Variants in MST1R observed in about 807,000 individuals in gnomAD.
The protein encoded by MST1R is macrophage stimulating 1 receptor.
MST1R carries 99 observed loss-of-function variants against 117.8 expected under a neutral mutation model. The ratio of observed to expected loss-of-function variants is 0.84; its 90% CI spans 0.71 to 0.99. The LOEUF (loss-of-function observed/expected upper bound fraction) is 0.99, where lower values mean the gene tolerates loss of function less well. Ranked by LOEUF, MST1R falls within the 50% of genes least tolerant of loss-of-function variation. MST1R has a pLI of 0.00. For synonymous variants in MST1R, 734 were observed against 765.3 expected, an observed-to-expected ratio of 0.96 and a Z score of 0.68; for missense variants, 1,683 against 1,840.2, an observed-to-expected ratio of 0.91 and a Z score of 1.56.
In MST1R at chr3:49,891,192, C is replaced by T. The variant is rs773626624; in HGVS notation, c.3644+5G>A. On this transcript the variant is annotated splice_donor_5th_base_variant and intron_variant, in intron 17 of 19. Coordinates refer to ENST00000296474, the MANE Select transcript of MST1R (RefSeq NM_002447.4). Reference sequence around the variant, plus strand: ...TGCTTCACCCCAGCTACTCTGGACTCTCACATGCAGTTCCGCGCAGCCAGG... The same window carrying T: ...TGCTTCACCCCAGCTACTCTGGACTTTCACATGCAGTTCCGCGCAGCCAGG... 1 of 1,613,416 alleles carries T rather than the reference C, an allele frequency of 6.2e-7. No individual in the cohort carries two copies. The highest frequency in any genetic ancestry group is 1.1e-5 in the South Asian group (1 of 91,070).
chr3:49,893,823 T>C (rs1383830275), intron 14 of MST1R, among the ~76,000 whole-genome samples: 8 of 141,972 alleles, frequency 5.6e-5, no homozygotes, highest in African/African-American at 7.8e-5. Flanking sequence ...GGCATGAACC[T>C]GGGAGGCGGA....
Position 49,887,578 on chromosome 3 carries a change from G to C in MST1R, c.3948-16C>G. On this transcript the variant is annotated splice_polypyrimidine_tract_variant and intron_variant, in intron 19 of 19. Coordinates refer to ENST00000296474, the MANE Select transcript of MST1R (RefSeq NM_002447.4). ...CACTTGGTACCTGTTGGGGGAAAGGGATGTCAGGTTAAGGCAATTTCCACC... is the reference window on the plus strand; with the variant it reads ...CACTTGGTACCTGTTGGGGGAAAGGCATGTCAGGTTAAGGCAATTTCCACC... The C allele has an allele frequency of 6.2e-7, 1 of 1,612,074 alleles. No individual in the cohort carries two copies. The highest frequency in any genetic ancestry group is 8.5e-7 in the Non-Finnish European group (1 of 1,178,970).
Position 49,898,592 on chromosome 3 carries a change from C to T in MST1R, c.1645G>A (p.Gly549Arg). The change falls in exon 4 of 20, where the codon GGG (glycine) becomes AGG (arginine). Residue 549 changes from glycine (G) to arginine (R), a missense_variant. Coordinates refer to ENST00000296474, the MANE Select transcript of MST1R (RefSeq NM_002447.4). ...AWHFMGCGWC[G>R]NMCGQQKECP... The stretch of plus-strand genomic sequence containing the variant: ...TCCTTCTGCTGGCCGCACATGTTCC[C>T]ACACCAGCCACAGCCCATGAAATGC... 1.2e-6 allele frequency: 2 copies of T among 1,614,128 alleles called. No homozygotes were observed. Among genetic ancestry groups the T allele is most frequent in the Non-Finnish European group, 1.7e-6 (2 of 1,180,044 alleles).
chr3:49,900,798 C>T (rs775413565), intron 1 of MST1R, among the ~76,000 whole-genome samples: 10 of 152,170 alleles, frequency 6.6e-5, no homozygotes, highest in Non-Finnish European at 1.5e-4. Context: ...GCTCTACGTT[C>T]CCAGGCTTAG....
chr3:49,903,273 C>T lies in MST1R; in HGVS notation c.337G>A (p.Gly113Ser), dbSNP rs3733136. ...TTTGTGTCTGTGTCACCGGGAGGGCCGTGGGGTCCTGGGCCACAGGCTGCA... is the reference window on the plus strand; with the variant it reads ...TTTGTGTCTGTGTCACCGGGAGGGCTGTGGGGTCCTGGGCCACAGGCTGCA... ...TCAACGPGPHGPPGDTDTKVL... is the reference protein window; with the variant it reads ...TCAACGPGPHSPPGDTDTKVL... Residue 113 changes from glycine to serine, a missense_variant, in exon 1 of 20, where the codon GGC becomes AGC. By Grantham distance (56) the Gly-to-Ser change is moderately conservative (BLOSUM62 0). Transcript: ENST00000296474. The T allele has an allele frequency of 3.7e-6, 6 of 1,610,492 alleles. No homozygotes were observed. The highest frequency in any genetic ancestry group is 2.2e-5 in the East Asian group (1 of 44,900).
Position 49,895,884 on chromosome 3 carries a change from G to A in MST1R, c.2797-4C>T, listed in dbSNP as rs2082451629. The A allele has an allele frequency of 6.3e-7, 1 of 1,592,782 alleles. No homozygotes were observed. The highest frequency in any genetic ancestry group is 1.1e-5 in the South Asian group (1 of 87,508). ...GACATTCACCATCTACGCAGACCTG[G>A]GGGCAGGTGGCAACTCAGGCCCAGC... On this transcript the variant is annotated splice_region_variant and splice_polypyrimidine_tract_variant and intron_variant, in intron 11 of 19. Coordinates refer to ENST00000296474, the MANE Select transcript of MST1R (RefSeq NM_002447.4).
chr3:49,896,930 G>A (rs1466665197), intron 7 of MST1R, 40 bp from the exon 8 acceptor site: 8 of 1,456,840 alleles, frequency 5.5e-6, no homozygotes, highest in Non-Finnish European at 6.4e-6. Context: ...TACCCTCTTT[G>A]TGATGGCCAG....
chr3:49,891,708 T>C (rs996584377), intron 15 of MST1R, 50 bp downstream of exon 15: 44 of 1,610,170 alleles, frequency 2.7e-5, no homozygotes, highest in Non-Finnish European at 3.7e-5. Flanking sequence ...AAAAGAATCC[T>C]CCCAGCCTGA....
In MST1R at chr3:49,891,593, G is replaced by A. The variant is rs200621478; in HGVS notation, c.3353-13C>T. 291 of 1,613,216 alleles carry A rather than the reference G, an allele frequency of 1.8e-4. No individual in the cohort carries two copies. Among genetic ancestry groups the A allele is most frequent in the Non-Finnish European group, 2.3e-4 (277 of 1,179,644 alleles). ...ATCTCTGTGATGCCTGCAGAGCAGC[G>A]CAAGTCAGGCACAGGGCAGGGCGTC... On this transcript the variant is annotated splice_polypyrimidine_tract_variant and intron_variant, in intron 15 of 19. Coordinates refer to ENST00000296474, the MANE Select transcript of MST1R (RefSeq NM_002447.4).
At chr3:49,899,344 C>A in intron 1 of MST1R, 81 bp from the exon 2 acceptor site, 1 of 1,450,650 alleles carries the variant, frequency 6.9e-7, no homozygotes, top group South Asian at 1.2e-5. Flanking sequence ...GTGGCCACAG[C>A]AGCCCAACAC....
At chr3:49,890,783 T>C (rs2082291079) in intron 17 of MST1R, 133 bp from the exon 18 acceptor site, 1 of 840,694 alleles carries the variant, frequency 1.2e-6, no homozygotes, top group African/African-American at 1.7e-5. Context: ...TGGAGTGCAG[T>C]GGCGCGATCT....
chr3:49,898,639 C>T lies in MST1R; in HGVS notation c.1598G>A (p.Cys533Tyr), dbSNP rs1238517410. The T allele has an allele frequency of 1.9e-6, 3 of 1,614,088 alleles. No homozygotes were observed. The highest frequency in any genetic ancestry group is 2.5e-6 in the Non-Finnish European group (3 of 1,180,050). ...ATGCCATGCCCTTAGGCAACGCCCA[C>T]AGGTCAGGAAGTGGCGGCAGCCAGG... The part of the protein sequence containing the change: ...QGPGCRHFLT[C>Y]GRCLRAWHFM... The change falls in exon 4 of 20, where the codon TGT becomes TAT. Residue 533 changes from cysteine (C) to tyrosine (Y), a missense_variant. Coordinates refer to ENST00000296474, the MANE Select transcript of MST1R (RefSeq NM_002447.4).
In MST1R at chr3:49,902,917, G is replaced by A. The variant is rs1559485331; in HGVS notation, c.693C>T (p.Gly231=). 4 of 1,613,370 alleles carry A rather than the reference G, an allele frequency of 2.5e-6. No individual in the cohort carries two copies. Among genetic ancestry groups the A allele is most frequent in the Non-Finnish European group, 3.4e-6 (4 of 1,180,058 alleles). Residue 231 remains glycine, a synonymous_variant, in exon 1 of 20, where the codon GGC becomes GGT. Coordinates refer to ENST00000296474, the MANE Select transcript of MST1R (RefSeq NM_002447.4). ...TGGGCAGCACTGACAACGCCACAAA[G>A]CCCGGTGCGAATCCCGAGGCGTCAG... ...LKADASGFAP[G]FVALSVLPKH... is the part of the protein sequence containing the mutation.
In MST1R at chr3:49,896,824, G is replaced by A; in HGVS notation, c.2250C>T (p.Ser750=). 1 of 1,557,634 alleles carries A rather than the reference G, an allele frequency of 6.4e-7. No homozygotes were observed. Among genetic ancestry groups the A allele is most frequent in the Non-Finnish European group, 8.7e-7 (1 of 1,149,806 alleles). ...GTACCTGGGCACCCCCCACCTGCAG[G>A]CTAAGGGGGACACTGGCCACCGTGG... ...PGATVASVPL[S]LQVGGAQVPG... The change falls in exon 8 of 20, where the codon AGC becomes AGT. Residue 750 remains serine, a synonymous_variant. Coordinates refer to ENST00000296474, the MANE Select transcript of MST1R (RefSeq NM_002447.4).
In MST1R at chr3:49,895,284, G is replaced by A. The variant is rs1325607951; in HGVS notation, c.3154C>T (p.Leu1052=). 2 of 1,614,232 alleles carry A rather than the reference G, an allele frequency of 1.2e-6. No homozygotes were observed. Among genetic ancestry groups the A allele is most frequent in the East Asian group, 4.5e-5 (2 of 44,884 alleles). Residue 1052 remains leucine, a synonymous_variant, in exon 14 of 20, where the codon CTG becomes TTG. Transcript: ENST00000296474. ...DSEDESCVPL[L]RKESIQLRDL... Reference sequence around the variant, plus strand: ...CTTAGCTGGATGGACTCTTTCCGCAGCAGTGGCACACAGGATTCATCTTCA... The same window carrying A: ...CTTAGCTGGATGGACTCTTTCCGCAACAGTGGCACACAGGATTCATCTTCA...
chr3:49,903,626 C>G lies in MST1R; in HGVS notation c.-17G>C. 1.3e-6 allele frequency: 2 copies of G among 1,545,786 alleles called. No homozygotes were observed. Among genetic ancestry groups the G allele is most frequent in the Non-Finnish European group, 1.7e-6 (2 of 1,152,440 alleles). On this transcript the variant is annotated 5_prime_UTR_variant, in exon 1 of 20. Transcript: ENST00000296474. ...GAGCTCCATCGAGGCGAGCTGGGAC[C>G]CTAGAGGATCCCTACCGGCCTGGGC... is the stretch of plus-strand genomic sequence containing the variant.
chr3:49,897,269 G>T lies in MST1R; in HGVS notation c.2183+11C>A. On this transcript the variant is annotated intron_variant, in intron 7 of 19. Coordinates refer to ENST00000296474, the MANE Select transcript of MST1R (RefSeq NM_002447.4). Reference sequence around the variant, plus strand: ...CCCTGCGGCCTCCCATGCCTGCCTGGTGGTACTTACCGTGCTAGCAGACAC... The same window carrying T: ...CCCTGCGGCCTCCCATGCCTGCCTGTTGGTACTTACCGTGCTAGCAGACAC... 6.3e-7 allele frequency: 1 copy of T among 1,594,614 alleles called. No homozygotes were observed. The highest frequency in any genetic ancestry group is 1.1e-5 in the South Asian group (1 of 88,816).
chr3:49,896,815 C>T lies in MST1R; in HGVS notation c.2259G>A (p.Val753=), dbSNP rs368995558. The change falls in exon 8 of 20, where the codon GTG becomes GTA. Residue 753 remains valine, a synonymous_variant. Transcript: ENST00000296474. ...TVASVPLSLQ[V]GGAQVPGSWT... Reference sequence around the variant, plus strand: ...AGGAACCAGGTACCTGGGCACCCCCCACCTGCAGGCTAAGGGGGACACTGG... The same window carrying T: ...AGGAACCAGGTACCTGGGCACCCCCTACCTGCAGGCTAAGGGGGACACTGG... 24 of 1,558,556 alleles carry T rather than the reference C, an allele frequency of 1.5e-5. No individual in the cohort carries two copies. In the African/African-American group the frequency reaches 2.0e-4, roughly 13 times the overall value.
In MST1R at chr3:49,891,213, C is replaced by A; in HGVS notation, c.3628G>T (p.Ala1210Ser). The change falls in exon 17 of 20, where the codon GCT becomes TCT. Residue 1210 changes from alanine (A) to serine (S), a missense_variant. Physicochemically the swap from Ala to Ser is moderately conservative, Grantham distance 99. Transcript: ENST00000296474. The stretch of plus-strand genomic sequence containing the variant: ...GACTCTCACATGCAGTTCCGCGCAG[C>A]CAGGTCCCTGTGCACAAACTTCTGC... ...AEQKFVHRDL[A>S]ARNCMLDESF... 6.2e-7 allele frequency: 1 copy of A among 1,613,950 alleles called. No homozygotes were observed. Among genetic ancestry groups the A allele is most frequent in the Non-Finnish European group, 8.5e-7 (1 of 1,180,010 alleles).
Sources: gnomAD v4.1 joint callset for allele counts (sites outside exome capture counted in the v4.1 genomes callset) on GRCh38, gnomAD v4.1.1 for gene constraint, MANE v1.5 for transcripts, NCBI Gene and HGNC (gene_info 2026-07-23, HGNC 2026-07-21) for gene names.